The following COBL variants were observed in gnomAD, a reference collection of about 807,000 sequenced individuals.
COBL encodes cordon-bleu WH2 repeat protein, also known as protein cordon-bleu.
In COBL, 51 loss-of-function variants were observed where a neutral mutation model predicts 98.8. That is an observed-to-expected ratio of 0.52 (90% CI 0.41 to 0.65). The LOEUF is 0.65. COBL is among the 30% of genes least tolerant of loss of function. The pLI is 0.00. For missense variants in COBL, 1,617 were observed against 1,617.5 expected, an observed-to-expected ratio of 1.00 and a Z score of 0.01; for synonymous variants, 634 against 651.7, an observed-to-expected ratio of 0.97 and a Z score of 0.41.
chr7:51,024,166 G>A (rs970782078), intron 12 of COBL, among the ~76,000 whole-genome samples: 16 of 152,050 alleles, frequency 1.1e-4, no homozygotes, highest in African/African-American at 3.1e-4. Context: ...AAAATTAGCC[G>A]GGCGTGGTGG....
rs1786327696 is a variant in COBL, at chr7:51,016,803, T to C, written c.*748A>G. 2.5e-6 allele frequency: 1 copy of C among 397,518 alleles called. No individual in the cohort carries two copies. The highest frequency in any genetic ancestry group is 4.4e-6 in the Non-Finnish European group (1 of 225,924). 24.6% of individuals were successfully genotyped at this position (397,518 alleles called of 1,614,324 possible). A position where few individuals can be genotyped will look rare whatever the true frequency, so the allele number is the denominator to read the frequency against. ...GGGAATGGCTGTCCATGTGGGGCAC[T>C]GCCCATCCACTCCAGTGGTGGTGTG... On this transcript the variant is annotated 3_prime_UTR_variant, in exon 13 of 13. Transcript: ENST00000265136.
At chr7:51,217,892 G>C (rs1793240926) in intron 2 of COBL, among the ~76,000 whole-genome samples, 1 of 152,180 alleles carries the variant, frequency 6.6e-6, no homozygotes, top group African/African-American at 2.4e-5. Flanking sequence ...ATGAACCCTG[G>C]GGGGAAAGCC....
At chr7:51,184,511 A>G (rs540948812) in intron 4 of COBL, among the ~76,000 whole-genome samples, 1 of 152,254 alleles carries the variant, frequency 6.6e-6, no homozygotes, top group East Asian at 1.9e-4. Flanking sequence ...ACAGAAAGCT[A>G]AACCAGACCA....
chr7:51,090,770 G>A (rs1013821026), intron 6 of COBL, among the ~76,000 whole-genome samples: 1 of 152,218 alleles, frequency 6.6e-6, no homozygotes, highest in Admixed American at 6.5e-5. Context: ...CTTGTTCAGG[G>A]ACTGATTTCT....
Position 51,017,042 on chromosome 7 carries a change from AT to A in COBL, c.*508del, listed in dbSNP as rs963135088. On this transcript the variant is annotated 3_prime_UTR_variant, in exon 13 of 13. Transcript: ENST00000265136. The stretch of plus-strand genomic sequence containing the variant: ...AAAGCCACCTTTGAAAAGCCTCCCA[AT>A]TTTTTTTTCTTACTACCAAAACACA... The A allele has an allele frequency of 3.5e-5, 14 of 400,792 alleles. No homozygotes were observed. The highest frequency in any genetic ancestry group is 1.4e-4 in the East Asian group (4 of 28,124). The allele number at this position is 400,792 out of a possible 1,614,324, so 24.8% of individuals were successfully genotyped here. A position where few individuals can be genotyped will look rare whatever the true frequency, so the allele number is the denominator to read the frequency against.
intron 4 of COBL, among the ~76,000 whole-genome samples, chr7:51,186,064 G>A (rs980657739): frequency 2.0e-5 from 3 of 152,256 alleles, no homozygotes; most frequent in Admixed American, 2.0e-4. Flanking sequence ...ATGCATGTGT[G>A]CAAACGCGCT....
In COBL at chr7:51,136,160, T is replaced by C. The variant is rs746284690; in HGVS notation, c.955A>G (p.Lys319Glu). 8 of 1,610,820 alleles carry C rather than the reference T, an allele frequency of 5.0e-6. No homozygotes were observed. Among genetic ancestry groups the C allele is most frequent in the Admixed American group, 1.7e-5 (1 of 59,718 alleles). ...GTGAGAACAGCCCACTGCCCTACCT[T>C]TTCCGATGCCTTGTCTTGCACAGGT... ...GPPVQDKASE[K>E]VSLGSQIDLQ... The change falls in exon 6 of 13, where the codon AAG becomes GAG. Residue 319 changes from lysine (K) to glutamate (E), a missense_variant and splice_region_variant. This residue lies in a region of COBL where 1,304 missense variants were observed against 1,282.0 expected (regional missense o/e 1.02). Coordinates refer to ENST00000265136, the MANE Select transcript of COBL (RefSeq NM_015198.5).
chr7:51,118,846 A>G (rs1459457405), intron 6 of COBL, among the ~76,000 whole-genome samples: 1 of 152,200 alleles, frequency 6.6e-6, no homozygotes, highest in African/African-American at 2.4e-5. Flanking sequence ...ACACTGCTGG[A>G]GCAGGCTGGA....
At chr7:51,064,245 C>A (rs1165447464) in intron 7 of COBL, among the ~76,000 whole-genome samples, 4 of 151,736 alleles carry the variant, frequency 2.6e-5, no homozygotes, top group Admixed American at 2.6e-4. Flanking sequence ...TGACACAACC[C>A]CTATAGGTGC....
chr7:51,088,893 G>A (rs1044254079), intron 6 of COBL, among the ~76,000 whole-genome samples: 1 of 152,150 alleles, frequency 6.6e-6, no homozygotes. Context: ...GCTCTCCTGT[G>A]GCATGTGGGT....
chr7:51,259,937 C>G (rs1797568547), intron 1 of COBL: 1 of 757,390 alleles, frequency 1.3e-6, no homozygotes, highest in South Asian at 1.4e-5. Flanking sequence ...AATTCCAAGG[C>G]ATGAGGTTTC....
Position 51,092,228 on chromosome 7 carries a change from A to G in COBL, c.958-6924T>C, listed in dbSNP as rs1295828371. ...TTTATCCCGAAACCATCCCTGCCCC[A>G]CTGGTCCGTGGAAAAATTGTCTTCC... On this transcript the variant is annotated intron_variant, in intron 6 of 12. Coordinates refer to ENST00000265136, the MANE Select transcript of COBL (RefSeq NM_015198.5). Among the ~76,000 whole-genome samples, 3 of 152,176 alleles carry G rather than the reference A, an allele frequency of 2.0e-5. No individual in the cohort carries two copies. In the East Asian group the frequency reaches 5.8e-4, roughly 29 times the overall value.
chr7:51,303,235 C>T (rs1422037622), intron 1 of COBL, among the ~76,000 whole-genome samples: 1 of 152,138 alleles, frequency 6.6e-6, no homozygotes, highest in African/African-American at 2.4e-5. Flanking sequence ...AAAACCTAAT[C>T]GAATGTGGAC....
At chr7:51,268,684 C>A (rs1019855110) in intron 1 of COBL, among the ~76,000 whole-genome samples, 16 of 152,102 alleles carry the variant, frequency 1.1e-4, no homozygotes, top group Admixed American at 9.2e-4. Context: ...ATAACCCCAG[C>A]ATTTTGGGAG....
chr7:51,144,750 T>C (rs548400156), intron 5 of COBL, among the ~76,000 whole-genome samples: 4 of 152,338 alleles, frequency 2.6e-5, no homozygotes, highest in African/African-American at 7.2e-5. Context: ...GCTTTTAGAC[T>C]CTATGGATTT....
At chr7:51,139,796 C>T (rs1799565167) in intron 5 of COBL, among the ~76,000 whole-genome samples, 1 of 152,166 alleles carries the variant, frequency 6.6e-6, no homozygotes. Flanking sequence ...CCTTTAAAGT[C>T]CTGACTCATA....
At chr7:51,145,832 G>A (rs554704220) in intron 5 of COBL, among the ~76,000 whole-genome samples, 4 of 152,124 alleles carry the variant, frequency 2.6e-5, no homozygotes, top group East Asian at 1.9e-4. Flanking sequence ...GCCGTCTTTC[G>A]TGTGTGTGAA....
chr7:51,090,785 C>T (rs1794736666), intron 6 of COBL, among the ~76,000 whole-genome samples: 1 of 152,198 alleles, frequency 6.6e-6, no homozygotes, highest in Admixed American at 6.5e-5. Flanking sequence ...ATTTCTGTCT[C>T]AGTTGACCAG....
intron 1 of COBL, among the ~76,000 whole-genome samples, chr7:51,309,108 GC>G (rs1270033276): frequency 6.6e-6 from 1 of 152,098 alleles, no homozygotes; most frequent in Non-Finnish European, 1.5e-5. Flanking sequence ...CGTTCCCCCG[GC>G]CCTCACAGGA....
Sources: allele counts gnomAD v4.1 joint callset (sites outside exome capture counted in the v4.1 genomes callset), GRCh38; gene constraint gnomAD v4.1.1; regional missense constraint gnomAD v4.1.1; transcripts MANE v1.5; gene names NCBI Gene and HGNC (gene_info 2026-07-23, HGNC 2026-07-21).